TPD52: variants seen among roughly 807,000 people sequenced by gnomAD.
TPD52 encodes the protein tumor protein D52, also known as prostate and colon associated protein.
TPD52 carries 17 observed loss-of-function variants against 31.3 expected under a neutral mutation model. That is an observed-to-expected ratio of 0.54 (90% confidence interval 0.37 to 0.82). The LOEUF (loss-of-function observed/expected upper bound fraction) is 0.82, where lower values mean the gene tolerates loss of function less well. TPD52 is among the 40% of genes least tolerant of loss of function. TPD52 has a pLI of 0.00. For missense variants in TPD52, 212 were observed against 240.1 expected (o/e 0.88, Z 0.77); for synonymous variants, 83 against 89.6 (o/e 0.93, Z 0.42).
rs1021745163 is a variant in TPD52 at position 80,037,950 on chromosome 8, G to T, written c.*166C>A. 4 of 860,614 alleles carry T rather than the reference G, an allele frequency of 4.6e-6. No individual in the cohort carries two copies. The highest frequency in any genetic ancestry group is 3.4e-5 in the African/African-American group (2 of 59,262). The allele number at this position is 860,614 out of a possible 1,614,324, so 53.3% of individuals were successfully genotyped here. A position where few individuals can be genotyped will look rare whatever the true frequency, so the allele number is the denominator to read the frequency against. On this transcript the variant is annotated 3_prime_UTR_variant, in exon 8 of 8. Coordinates refer to ENST00000518937, the MANE Select transcript of TPD52 (RefSeq NM_001025253.3). ...AAGGGTGTTTCCCAAGAATAGAGGT[G>T]AAGATATTTTCATTTTGTTTAACCC... is the stretch of plus-strand genomic sequence containing the variant.
At chr8:80,128,492 T>TAGAAAAAAAA (rs1212262647) in intron 1 of TPD52, among the ~76,000 whole-genome samples, 1 of 17,430 alleles carries the variant, frequency 5.7e-5, no homozygotes, top group African/African-American at 5.3e-4. Flanking sequence ...ACCCTGTCTC[T>TAGAAAAAAAA]ACAAAAAAAA....
intron 1 of TPD52, among the ~76,000 whole-genome samples, chr8:80,076,277 G>A (rs545739140): frequency 6.6e-6 from 1 of 152,308 alleles, no homozygotes; most frequent in Non-Finnish European, 1.5e-5. Context: ...ATGATAGACT[G>A]AATAAAGAAA....
intron 1 of TPD52, among the ~76,000 whole-genome samples, chr8:80,101,167 G>T (rs1028944727): frequency 2.0e-5 from 3 of 152,194 alleles, no homozygotes; most frequent in Non-Finnish European, 4.4e-5. Context: ...AAGAATTAAG[G>T]CCGGGCGCGG....
intron 1 of TPD52, among the ~76,000 whole-genome samples, chr8:80,122,177 T>C (rs1400621934): frequency 1.3e-5 from 2 of 152,166 alleles, no homozygotes; most frequent in African/African-American, 4.8e-5. Context: ...GCTTTCTCTA[T>C]GGTGACACGT....
Position 80,064,650 on chromosome 8 carries a change from T to C in TPD52, c.20-57A>G, listed in dbSNP as rs1388010749. 4.7e-6 allele frequency: 6 copies of C among 1,274,602 alleles called. 1 individual carries two copies. The East Asian group carries it at 1.4e-4, about 29-fold the overall frequency. The allele number at this position is 1,274,602 out of a possible 1,614,324, so 79.0% of individuals were successfully genotyped here. On this transcript the variant is annotated intron_variant, in intron 1 of 7. Transcript: ENST00000518937. Reference sequence around the variant, plus strand: ...GCAAAATCTAAGTAAAATCCCTATTTAAGCTCCTCCACTGTCCTAGCCAGA... The same window carrying C: ...GCAAAATCTAAGTAAAATCCCTATTCAAGCTCCTCCACTGTCCTAGCCAGA...
At chr8:80,097,958 A>C (rs761235115) in intron 1 of TPD52, among the ~76,000 whole-genome samples, 2 of 152,328 alleles carry the variant, frequency 1.3e-5, no homozygotes, top group African/African-American at 2.4e-5. Context: ...TTATCATTTC[A>C]AAAGTTCTAA....
At chr8:80,108,229 A>G (rs1384163710) in intron 1 of TPD52, among the ~76,000 whole-genome samples, 2 of 152,190 alleles carry the variant, frequency 1.3e-5, no homozygotes, top group Non-Finnish European at 2.9e-5. Flanking sequence ...AACTCTTTCA[A>G]TGGCTAACTC....
intron 1 of TPD52, among the ~76,000 whole-genome samples, chr8:80,128,494 CAAAAAAA>C (rs3053828): frequency 3.6e-5 from 3 of 83,152 alleles, no homozygotes; most frequent in African/African-American, 1.6e-4. Flanking sequence ...CCTGTCTCTA[CAAAAAAA>C]AAAAAAAAAA....
chr8:80,163,574 C>T (rs567488978), intron 1 of TPD52, among the ~76,000 whole-genome samples: 21 of 152,092 alleles, frequency 1.4e-4, no homozygotes, highest in Non-Finnish European at 1.9e-4. Flanking sequence ...TTAACACTAT[C>T]GTACTGTACA....
At chr8:80,053,144 T>C (rs781777476) in intron 3 of TPD52, 138 bp downstream of exon 3, 190 of 940,008 alleles carry the variant, frequency 2.0e-4, no homozygotes, top group Non-Finnish European at 2.7e-4. Flanking sequence ...CACTTGAAAA[T>C]CAGAAAAAAA....
intron 1 of TPD52, among the ~76,000 whole-genome samples, chr8:80,149,169 G>A (rs770991861): frequency 6.6e-6 from 1 of 152,204 alleles, no homozygotes; most frequent in South Asian, 2.1e-4. Context: ...TAATTCCCGT[G>A]TGTTGTGGGA....
chr8:80,137,355 ATTAT>A (rs1473392843), intron 1 of TPD52, among the ~76,000 whole-genome samples: 1 of 152,218 alleles, frequency 6.6e-6, no homozygotes, highest in Non-Finnish European at 1.5e-5. Flanking sequence ...CTATATGGTG[ATTAT>A]TTATGGCAAA....
chr8:80,134,140 C>G (rs10504713), intron 1 of TPD52, among the ~76,000 whole-genome samples: 65,702 of 152,134 alleles, frequency 0.43, 14,794 homozygotes, highest in East Asian at 0.78. Context: ...CCTGGCATAT[C>G]TATTTCAAAA....
intron 7 of TPD52, among the ~76,000 whole-genome samples, chr8:80,040,429 A>G (rs1810270630): frequency 6.6e-6 from 1 of 151,996 alleles, no homozygotes; most frequent in African/African-American, 2.4e-5. Flanking sequence ...GACTCAAGTG[A>G]TCTGCCTGCC....
chr8:80,087,950 T>C (rs1181019386), intron 1 of TPD52, among the ~76,000 whole-genome samples: 1 of 152,230 alleles, frequency 6.6e-6, no homozygotes, highest in Non-Finnish European at 1.5e-5. Context: ...CAAGGGTAGA[T>C]GCTCTCTTAT....
intron 1 of TPD52, among the ~76,000 whole-genome samples, chr8:80,070,623 C>T (rs547454341): frequency 2.0e-5 from 3 of 152,286 alleles, no homozygotes; most frequent in Admixed American, 2.0e-4. Flanking sequence ...AATGCTCACT[C>T]GCCTGCCACT....
At chr8:80,065,269 ATATATCTATATC>A (rs1812996862) in intron 1 of TPD52, among the ~76,000 whole-genome samples, 1 of 144,286 alleles carries the variant, frequency 6.9e-6, no homozygotes, top group Non-Finnish European at 1.5e-5. Flanking sequence ...ATCTATCTAT[ATATATCTATATC>A]TATATATCTA....
intron 1 of TPD52, among the ~76,000 whole-genome samples, chr8:80,156,720 G>A (rs966050887): frequency 3.9e-5 from 6 of 152,184 alleles, no homozygotes; most frequent in African/African-American, 9.7e-5. Flanking sequence ...AGGAAGGTAC[G>A]AATTAAGAAA....
At chr8:80,044,632 G>T (rs1230940938) in intron 5 of TPD52, among the ~76,000 whole-genome samples, 1 of 151,208 alleles carries the variant, frequency 6.6e-6, no homozygotes, top group East Asian at 1.9e-4. Context: ...GCCAGGGAAG[G>T]GCTCTTAGTA....
Sources: allele counts gnomAD v4.1 joint callset (sites outside exome capture counted in the v4.1 genomes callset), GRCh38; gene constraint gnomAD v4.1.1; transcripts MANE v1.5; gene names NCBI Gene and HGNC (gene_info 2026-07-23, HGNC 2026-07-21).